Variants in GMDS observed in about 807,000 individuals in gnomAD.
GMDS encodes the protein GDP-mannose 4,6 dehydratase.
In GMDS, 20 loss-of-function variants were observed where a neutral mutation model predicts 49.9. The ratio of observed to expected loss-of-function variants is 0.40; its 90% CI spans 0.28 to 0.58. The LOEUF is 0.58. GMDS is among the 20% of genes least tolerant of loss of function. The pLI, the probability that GMDS is intolerant of heterozygous loss-of-function variation, is 0.42. For missense variants in GMDS, 362 were observed against 481.4 expected, an observed-to-expected ratio of 0.75 and a Z score of 2.32; for synonymous variants, 177 against 178.6, an observed-to-expected ratio of 0.99 and a Z score of 0.07.
chr6:2,146,758 A>C (rs1373831177), intron 1 of GMDS, among the ~76,000 whole-genome samples: 1 of 152,134 alleles, frequency 6.6e-6, no homozygotes, highest in Non-Finnish European at 1.5e-5. Context: ...TCAGTTCCTG[A>C]AGGGGTATGA....
At chr6:2,194,169 G>C (rs1459573437) in intron 1 of GMDS, among the ~76,000 whole-genome samples, 2 of 152,198 alleles carry the variant, frequency 1.3e-5, no homozygotes, top group Non-Finnish European at 2.9e-5. Context: ...TGGACTGTGT[G>C]TGTGTGTGAG....
chr6:2,185,163 C>T (rs1021109383), intron 1 of GMDS, among the ~76,000 whole-genome samples: 1 of 152,186 alleles, frequency 6.6e-6, no homozygotes, highest in Non-Finnish European at 1.5e-5. Flanking sequence ...CTTAGCTAAG[C>T]AGTGAAGTAT....
At chr6:2,178,294 T>C (rs1005527723) in intron 1 of GMDS, among the ~76,000 whole-genome samples, 2 of 152,190 alleles carry the variant, frequency 1.3e-5, no homozygotes, top group African/African-American at 4.8e-5. Flanking sequence ...GGAAGCATGA[T>C]GCTGGCATCT....
At chr6:1,706,476 T>G (rs1423930447) in intron 9 of GMDS, among the ~76,000 whole-genome samples, 1 of 152,254 alleles carries the variant, frequency 6.6e-6, no homozygotes, top group Admixed American at 6.5e-5. Context: ...TTATTCTAAC[T>G]GATGAGAACG....
chr6:1,742,660 T>C (rs1767319182), intron 7 of GMDS, 74 bp from the exon 8 acceptor site: 1 of 796,472 alleles, frequency 1.3e-6, no homozygotes. Context: ...GTGCACATAA[T>C]CAGATATGGA....
chr6:2,122,277 C>T (rs934447578), intron 2 of GMDS, among the ~76,000 whole-genome samples: 2 of 152,134 alleles, frequency 1.3e-5, no homozygotes, highest in Non-Finnish European at 1.5e-5. Context: ...TGACTGGGGT[C>T]GTGTTAGAAA....
intron 4 of GMDS, among the ~76,000 whole-genome samples, chr6:2,000,035 C>CTT (rs1246135856): frequency 3.0e-4 from 4 of 13,374 alleles, no homozygotes; most frequent in African/African-American, 7.4e-4. Context: ...ATATCTATAT[C>CTT]TTTTTTTTTT....
intron 4 of GMDS, among the ~76,000 whole-genome samples, chr6:1,971,884 C>T (rs905253915): frequency 6.6e-6 from 1 of 152,202 alleles, no homozygotes; most frequent in South Asian, 2.1e-4. Context: ...TCTCACAGCA[C>T]CCTCCAGCTC....
chr6:2,211,614 ACTC>A (rs1240513376), intron 1 of GMDS, among the ~76,000 whole-genome samples: 1 of 152,104 alleles, frequency 6.6e-6, no homozygotes, highest in Admixed American at 6.6e-5. Flanking sequence ...AAATAGTCTC[ACTC>A]CTCTTTGTAG....
chr6:1,969,261 CAAAAAAAAAAAAAAAAAAA>C lies in GMDS; in HGVS notation c.346-8314_346-8296del, dbSNP rs761741871. ...TGGGTGACAGAGTGAGGCTCCATCT[CAAAAAAAAAAAAAAAAAAA>C]AAAAAAAAAAGAGAAAGAAAGAAAA... On this transcript the variant is annotated intron_variant, in intron 4 of 10. Coordinates refer to ENST00000380815, the MANE Select transcript of GMDS (RefSeq NM_001500.4). 2.8e-3 allele frequency among the ~76,000 whole-genome samples: 40 copies of C among 14,100 alleles called. 1 individual carries two copies. The highest frequency in any genetic ancestry group is 6.5e-3 in the Non-Finnish European group (34 of 5,256). The allele number at this position is 14,100 out of a possible 152,430, so 9.3% of individuals were successfully genotyped here. A position where few individuals can be genotyped will look rare whatever the true frequency, so the allele number is the denominator to read the frequency against.
intron 1 of GMDS, among the ~76,000 whole-genome samples, chr6:2,171,307 T>C (rs545961779): frequency 4.7e-4 from 71 of 152,212 alleles, no homozygotes; most frequent in Non-Finnish European, 9.1e-4. Flanking sequence ...AGAATGTAAG[T>C]AATTTGTTTA....
rs144795223 is a variant in GMDS, at chr6:2,242,903, C to A, written c.102+2418G>T. Among the ~76,000 whole-genome samples, 392 of 152,226 alleles carry A rather than the reference C, an allele frequency of 2.6e-3. 1 individual carries two copies. Among genetic ancestry groups the A allele is most frequent in the African/African-American group, 9.1e-3 (378 of 41,536 alleles). The stretch of plus-strand genomic sequence containing the variant: ...TACAATAAGGTATGGATTTTCAGAC[C>A]CCTTGCATTAACACCACAGTGCTCC... On this transcript the variant is annotated intron_variant, in intron 1 of 10. Coordinates refer to ENST00000380815, the MANE Select transcript of GMDS (RefSeq NM_001500.4).
intron 1 of GMDS, among the ~76,000 whole-genome samples, chr6:2,225,554 T>C (rs1561671396): frequency 6.6e-6 from 1 of 152,222 alleles, no homozygotes; most frequent in Non-Finnish European, 1.5e-5. Flanking sequence ...GGCTGTTCTA[T>C]GCAAATGACG....
intron 4 of GMDS, among the ~76,000 whole-genome samples, chr6:2,002,054 G>GGT (rs1272937290): frequency 2.0e-5 from 3 of 152,086 alleles, no homozygotes; most frequent in Non-Finnish European, 4.4e-5. Context: ...GAAGTGCATA[G>GGT]GTGCTGAATA....
chr6:1,858,967 G>GC (rs111451463), intron 7 of GMDS, among the ~76,000 whole-genome samples: 23 of 150,600 alleles, frequency 1.5e-4, no homozygotes, highest in South Asian at 1.5e-3. Context: ...TTGTGTTTTG[G>GC]GGGGGGCAGG....
chr6:1,857,234 C>T (rs368143903), intron 7 of GMDS, among the ~76,000 whole-genome samples: 4 of 152,152 alleles, frequency 2.6e-5, no homozygotes, highest in Admixed American at 2.0e-4. Context: ...TTGTAGTGAA[C>T]GTAACTGGGT....
chr6:1,748,769 T>C (rs1767612087), intron 7 of GMDS, among the ~76,000 whole-genome samples: 1 of 152,278 alleles, frequency 6.6e-6, no homozygotes, highest in African/African-American at 2.4e-5. Context: ...TGCCCACCTT[T>C]GCTTTCAGCA....
In GMDS at chr6:1,681,163, C is replaced by T. The variant is rs186540309; in HGVS notation, c.987+45253G>A. Reference sequence around the variant, plus strand: ...ACACACCTATATACACACACACACACCTCCCCCACCGAGAGGCGATGAGCA... The same window carrying T: ...ACACACCTATATACACACACACACATCTCCCCCACCGAGAGGCGATGAGCA... On this transcript the variant is annotated intron_variant, in intron 9 of 10. Transcript: ENST00000380815. Among the ~76,000 whole-genome samples, 64 of 152,070 alleles carry T rather than the reference C, an allele frequency of 4.2e-4. 1 individual carries two copies. The highest frequency in any genetic ancestry group is 1.1e-3 in the Admixed American group (17 of 15,278).
chr6:1,655,838 A>G (rs1365049068), intron 9 of GMDS, among the ~76,000 whole-genome samples: 1 of 152,206 alleles, frequency 6.6e-6, no homozygotes, highest in Non-Finnish European at 1.5e-5. Flanking sequence ...AACCGGAGAC[A>G]AGAGCATGAT....
Sources: gnomAD v4.1 joint callset for allele counts (sites outside exome capture counted in the v4.1 genomes callset) on GRCh38, gnomAD v4.1.1 for gene constraint, MANE v1.5 for transcripts, NCBI Gene and HGNC (gene_info 2026-07-23, HGNC 2026-07-21) for gene names.